The following IKZF4 variants were observed in gnomAD, a reference collection of about 807,000 sequenced individuals.
IKZF4 encodes the protein zinc finger protein Eos.
IKZF4 carries 11 observed loss-of-function variants against 47.7 expected under a neutral mutation model. That is an observed-to-expected ratio of 0.23 (90% confidence interval 0.15 to 0.38). The LOEUF (loss-of-function observed/expected upper bound fraction) is 0.38. Ranked by LOEUF, IKZF4 falls within the 10% of genes least tolerant of loss-of-function variation. The probability of loss-of-function intolerance (pLI) is 1.00; values close to 1 mark genes in which losing one functional copy is unlikely to be tolerated. For synonymous variants in IKZF4, 298 were observed against 299.4 expected, an observed-to-expected ratio of 1.00 and a Z score of 0.05; for missense variants, 557 against 784.9, an observed-to-expected ratio of 0.71 and a Z score of 3.47.
At chr12:56,012,730 A>G (rs1409938750) in intron 2 of IKZF4, among the ~76,000 whole-genome samples, 1 of 152,112 alleles carries the variant, frequency 6.6e-6, no homozygotes, top group African/African-American at 2.4e-5. Context: ...TTCTGTCTAG[A>G]AAGGATGCCC....
At chr12:56,027,183 G>A in intron 4 of IKZF4, 142 bp downstream of exon 4, 1 of 670,116 alleles carries the variant, frequency 1.5e-6, no homozygotes. Context: ...GTCTCACCCA[G>A]CACATTTTCC....
chr12:56,023,519 A>G (rs572757369), intron 1 of IKZF4, among the ~76,000 whole-genome samples, 152 bp from the exon 2 acceptor site: 4 of 152,362 alleles, frequency 2.6e-5, no homozygotes, highest in African/African-American at 9.6e-5. Context: ...GGGAAAACTC[A>G]GATTCAAGCC....
intron 5 of IKZF4, among the ~76,000 whole-genome samples, chr12:56,030,559 G>C (rs1018725161): frequency 2.6e-5 from 4 of 151,994 alleles, no homozygotes; most frequent in Non-Finnish European, 5.9e-5. Flanking sequence ...GAGAAACCCT[G>C]TTTCTACTAA....
chr12:56,032,913 C>T (rs147559855), intron 6 of IKZF4, among the ~76,000 whole-genome samples: 17 of 152,190 alleles, frequency 1.1e-4, no homozygotes, highest in Admixed American at 2.6e-4. Flanking sequence ...TTAGGGAGAT[C>T]GACAGGTAGG....
chr12:56,021,677 G>C, intron 1 of IKZF4, 97 bp downstream of exon 1: 2 of 1,472,230 alleles, frequency 1.4e-6, no homozygotes, highest in South Asian at 1.3e-5. Flanking sequence ...AGGAGATGGA[G>C]AGGATGGGGG....
At chr12:56,014,167 A>G (rs374980287) in intron 2 of IKZF4, among the ~76,000 whole-genome samples, 27 of 151,292 alleles carry the variant, frequency 1.8e-4, no homozygotes, top group East Asian at 5.8e-4. Flanking sequence ...AAAAAAAAAA[A>G]AAAAGAAAAG....
intron 5 of IKZF4, among the ~76,000 whole-genome samples, chr12:56,028,815 A>G (rs1339262314): frequency 1.3e-5 from 2 of 151,724 alleles, no homozygotes; most frequent in Non-Finnish European, 2.9e-5. Context: ...ATCTCAAGCA[A>G]TCGGCCCACC....
chr12:56,033,626 G>C (rs751233275), intron 7 of IKZF4, among the ~76,000 whole-genome samples: 1 of 152,098 alleles, frequency 6.6e-6, no homozygotes, highest in African/African-American at 2.4e-5. Context: ...AGAATGGTGT[G>C]AACCTGGGAG....
In IKZF4 at chr12:56,023,696, G is replaced by A; in HGVS notation, c.113G>A (p.Cys38Tyr). Residue 38 changes from cysteine to tyrosine, a missense_variant, in exon 2 of 8, where the codon TGT becomes TAT. Cys to Tyr is a radical substitution (Grantham distance 194). Around this residue, in one of 6 missense-constraint regions of IKZF4, gnomAD observed 112 missense variants for 168.2 expected, o/e 0.67. Coordinates refer to ENST00000547167, the MANE Select transcript of IKZF4 (RefSeq NM_022465.4). ...CTGGAGAGGGATCCCTCAGGAGGGT[G>A]TGTTCCGGATTTCTTGCCTCAGGCC... ...DNLERDPSGGCVPDFLPQAQD... is the reference protein window; with the variant it reads ...DNLERDPSGGYVPDFLPQAQD... The A allele has an allele frequency of 6.2e-7, 1 of 1,613,976 alleles. No individual in the cohort carries two copies. Among genetic ancestry groups the A allele is most frequent in the African/African-American group, 1.3e-5 (1 of 75,054 alleles).
chr12:56,034,607 C>G lies in IKZF4; in HGVS notation c.1034C>G (p.Pro345Arg). The change falls in exon 8 of 8, where the codon CCC (proline) becomes CGC (arginine). Residue 345 changes from proline to arginine, a missense_variant. Pro to Arg is a moderately radical substitution (Grantham distance 103). Transcript: ENST00000547167. ...KQMRFSLSDL[P>R]YDVNSGGYEK... ...ATGCGCTTCAGCCTCTCAGACCTCC[C>G]CTATGATGTGAACTCGGGTGGCTAT... The G allele has an allele frequency of 6.2e-7, 1 of 1,613,798 alleles. No individual in the cohort carries two copies.
intron 2 of IKZF4, among the ~76,000 whole-genome samples, chr12:56,013,229 T>A (rs1479334278): frequency 6.6e-6 from 1 of 152,070 alleles, no homozygotes; most frequent in Non-Finnish European, 1.5e-5. Context: ...AGAGTCTCAC[T>A]CTGTCACCCA....
Position 56,013,197 on chromosome 12 carries a change from CTTTA to C in IKZF4, c.-214+1716_-214+1719del, listed in dbSNP as rs749871863. ...CCATCACTGAGTGACGGTTATGTTGCTTTATTTATTTATTTAGTGACAGAGTCTC... is the reference window on the plus strand; with the variant it reads ...CCATCACTGAGTGACGGTTATGTTGCTTTATTTATTTAGTGACAGAGTCTC... On this transcript the variant is annotated intron_variant, in intron 2 of 11. Coordinates refer to the IKZF4 transcript ENST00000262032. 1.8e-4 allele frequency among the ~76,000 whole-genome samples: 28 copies of C among 152,008 alleles called. 2 individuals are homozygous for C. The highest frequency in any genetic ancestry group is 4.6e-4 in the Admixed American group (7 of 15,260).
At chr12:56,027,245 C>G (rs908874011) in intron 4 of IKZF4, among the ~76,000 whole-genome samples, 1 of 152,054 alleles carries the variant, frequency 6.6e-6, no homozygotes, top group African/African-American at 2.4e-5. Context: ...GAATTCCCCT[C>G]AATACCTTTA....
intron 5 of IKZF4, among the ~76,000 whole-genome samples, chr12:56,031,929 CCT>C (rs1291891992): frequency 6.6e-6 from 1 of 151,986 alleles, no homozygotes; most frequent in Admixed American, 6.6e-5. Context: ...GCTTTCTAGA[CCT>C]CTCTTGGTAT....
rs866845873 is a variant in IKZF4 at position 56,009,529 on chromosome 12, G to A, written c.-292+1795G>A. On this transcript the variant is annotated intron_variant, in intron 1 of 11. Coordinates refer to the IKZF4 transcript ENST00000262032. ...CCAGAGAATCCAGACAGACCCTTGGGTCATGAGAACAGTCAGATGAGTAGC... is the reference window on the plus strand; with the variant it reads ...CCAGAGAATCCAGACAGACCCTTGGATCATGAGAACAGTCAGATGAGTAGC... Among the ~76,000 whole-genome samples the A allele has an allele frequency of 2.6e-5, 4 of 152,138 alleles. 1 individual carries two copies. The highest frequency in any genetic ancestry group is 6.5e-5 in the Admixed American group (1 of 15,274).
Position 56,035,028 on chromosome 12 carries a change from T to C in IKZF4, c.1455T>C (p.Ile485=), listed in dbSNP as rs1895508492. 6.4e-7 allele frequency: 1 copy of C among 1,558,446 alleles called. No individual in the cohort carries two copies. Among genetic ancestry groups the C allele is most frequent in the African/African-American group, 1.4e-5 (1 of 73,476 alleles). The part of the protein sequence containing the change: ...QGPPPQPPPT[I]VVGRHSPAYA... Reference sequence around the variant, plus strand: ...CCCCACCCCAGCCACCTCCCACCATTGTGGTGGGCCGGCACAGTCCTGCCT... The same window carrying C: ...CCCCACCCCAGCCACCTCCCACCATCGTGGTGGGCCGGCACAGTCCTGCCT... Residue 485 remains isoleucine, a synonymous_variant, in exon 8 of 8, where the codon ATT becomes ATC. Transcript: ENST00000547167. This position sits in a 1 kb window ranked among gnomAD's most constrained non-coding sequence, Gnocchi z 6.1.
Position 56,021,333 on chromosome 12 carries a change from C to G in IKZF4, c.-161C>G. On this transcript the variant is annotated 5_prime_UTR_variant, in exon 1 of 8. Transcript: ENST00000547167. ...ACACACACACTCAACACACATACAC[C>G]CTGGGCTGAGCTGCTCTTGCTGGCT... The G allele has an allele frequency of 6.7e-7, 1 of 1,500,006 alleles. No homozygotes were observed. Among genetic ancestry groups the G allele is most frequent in the Non-Finnish European group, 8.9e-7 (1 of 1,126,262 alleles). 92.9% of individuals were successfully genotyped at this position (1,500,006 alleles called of 1,614,324 possible).
chr12:56,032,681 C>T lies in IKZF4; in HGVS notation c.836C>T (p.Thr279Ile). Residue 279 changes from threonine to isoleucine, a missense_variant, in exon 6 of 8, where the codon ACT (threonine) becomes ATT (isoleucine). Coordinates refer to ENST00000547167, the MANE Select transcript of IKZF4 (RefSeq NM_022465.4). ...RCHNYLQSLS[T>I]EAQALAGQPG... ...CATAACTACCTACAGAGTCTCAGCACTGAAGCCCAAGCTTTGGCTGGCCAA... is the reference window on the plus strand; with the variant it reads ...CATAACTACCTACAGAGTCTCAGCATTGAAGCCCAAGCTTTGGCTGGCCAA... 6.2e-7 allele frequency: 1 copy of T among 1,614,054 alleles called. No individual in the cohort carries two copies. Among genetic ancestry groups the T allele is most frequent in the Non-Finnish European group, 8.5e-7 (1 of 1,179,902 alleles).
chr12:56,024,703 A>C, intron 2 of IKZF4: 1 of 1,136,838 alleles, frequency 8.8e-7, no homozygotes, highest in Non-Finnish European at 1.1e-6. Context: ...ACAGTAGGGA[A>C]GAATGTCTGT....
Sources: gnomAD v4.1 joint callset for allele counts (sites outside exome capture counted in the v4.1 genomes callset) on GRCh38, gnomAD v4.1.1 for gene constraint, gnomAD v4.1.1 regional missense constraint, Gnocchi (gnomAD v3.1) non-coding constraint, MANE v1.5 for transcripts, NCBI Gene and HGNC (gene_info 2026-07-23, HGNC 2026-07-21) for gene names.